SLC2A5: variants seen among roughly 807,000 people sequenced by gnomAD.
SLC2A5 encodes the protein solute carrier family 2 member 5.
SLC2A5 carries 56 observed loss-of-function variants against 50.3 expected under a neutral mutation model. The ratio of observed to expected loss-of-function variants is 1.11; its 90% confidence interval spans 0.90 to 1.39. The LOEUF is 1.39. Among genes scored for constraint, SLC2A5 ranks in the 40% most tolerant of loss-of-function variants. The pLI, the probability that SLC2A5 is intolerant of heterozygous loss-of-function variation, is 0.00. For missense variants in SLC2A5, 566 were observed against 650.1 expected (o/e 0.87, Z 1.41); for synonymous variants, 269 against 281.9 (o/e 0.95, Z 0.46).
intron 1 of SLC2A5, among the ~76,000 whole-genome samples, chr1:9,060,024 C>T (rs370034424): frequency 1.3e-5 from 2 of 148,918 alleles, no homozygotes; most frequent in African/African-American, 2.5e-5. Context: ...TACACACACA[C>T]ACTACACACA....
intron 3 of SLC2A5, among the ~76,000 whole-genome samples, chr1:9,056,771 T>G (rs933321798): frequency 1.3e-5 from 2 of 152,140 alleles, no homozygotes; most frequent in African/African-American, 4.8e-5. Flanking sequence ...CTGACCCCTT[T>G]GTTCACGAGG....
chr1:9,038,062 C>T (rs370588099), intron 10 of SLC2A5, 38 bp from the exon 11 acceptor site: 70 of 1,607,604 alleles, frequency 4.4e-5, no homozygotes, highest in Non-Finnish European at 5.2e-5. Flanking sequence ...GAAGGCAGAG[C>T]GGGCCCGAGC....
At chr1:9,039,416 C>A (rs1362467081) in intron 8 of SLC2A5, 136 bp downstream of exon 8, 1 of 644,944 alleles carries the variant, frequency 1.6e-6, no homozygotes, top group Non-Finnish European at 2.6e-6. Context: ...GGCCACCTCC[C>A]ACACAGAGTT....
chr1:9,038,988 C>T (rs1244322801), intron 8 of SLC2A5, 59 bp from the exon 9 acceptor site: 1 of 1,572,366 alleles, frequency 6.4e-7, no homozygotes, highest in African/African-American at 1.3e-5. Context: ...CCTCCAGCCC[C>T]CTCCAATGGG....
chr1:9,046,669 T>C (rs897262680), intron 4 of SLC2A5, among the ~76,000 whole-genome samples: 1 of 103,184 alleles, frequency 9.7e-6, no homozygotes, highest in African/African-American at 3.9e-5. Context: ...GGTTCTCGTG[T>C]GTGTGTGTGT....
chr1:9,086,836 C>T (rs1383638937), intron 1 of SLC2A5, among the ~76,000 whole-genome samples: 1 of 152,142 alleles, frequency 6.6e-6, no homozygotes, highest in Admixed American at 6.5e-5. Flanking sequence ...GAGCAAACAC[C>T]ACCATCCTAA....
At chr1:9,075,727 C>G (rs1642274671) in intron 2 of SLC2A5, among the ~76,000 whole-genome samples, 1 of 151,964 alleles carries the variant, frequency 6.6e-6, no homozygotes, top group Admixed American at 6.6e-5. Flanking sequence ...ATGGCATGAT[C>G]TCAACTCACT....
At chr1:9,060,301 GCCC>G (rs368736070) in intron 1 of SLC2A5, among the ~76,000 whole-genome samples, 4 of 37,132 alleles carry the variant, frequency 1.1e-4, no homozygotes, top group African/African-American at 8.8e-5. Context: ...ACACACACAC[GCCC>G]CCCCACATGT....
At chr1:9,080,521 G>T (rs1642339672) in intron 2 of SLC2A5, among the ~76,000 whole-genome samples, 1 of 152,174 alleles carries the variant, frequency 6.6e-6, no homozygotes, top group African/African-American at 2.4e-5. Flanking sequence ...TTTGGTAGTA[G>T]CCATCCTAAC....
At chr1:9,060,697 C>A (rs1256295623) in intron 1 of SLC2A5, among the ~76,000 whole-genome samples, 1 of 145,294 alleles carries the variant, frequency 6.9e-6, no homozygotes, top group African/African-American at 2.5e-5. Flanking sequence ...ACACAGCCCA[C>A]CCCACACACA....
At chr1:9,041,268 C>A in intron 5 of SLC2A5, 2 of 403,260 alleles carry the variant, frequency 5.0e-6, no homozygotes, top group South Asian at 1.4e-4. Flanking sequence ...CATGCCAGGC[C>A]CCAGGCTGTC....
At chr1:9,090,777 G>T (rs938448274), upstream of SLC2A5, among the ~76,000 whole-genome samples, 3 of 152,206 alleles carry the variant, frequency 2.0e-5, no homozygotes, top group African/African-American at 7.2e-5. Context: ...TTTAGGGACA[G>T]CCCTCACTAT....
chr1:9,086,775 G>A (rs1340793793), intron 1 of SLC2A5, among the ~76,000 whole-genome samples: 1 of 152,102 alleles, frequency 6.6e-6, no homozygotes, highest in Non-Finnish European at 1.5e-5. Flanking sequence ...GCCATCATAA[G>A]GGTATGGAAA....
At chr1:9,063,734 C>T (rs1161998792) in intron 1 of SLC2A5, among the ~76,000 whole-genome samples, 1 of 111,798 alleles carries the variant, frequency 8.9e-6, no homozygotes, top group African/African-American at 3.7e-5. Context: ...TTCGCTCTGT[C>T]GCCCAGGCTG....
intron 3 of SLC2A5, among the ~76,000 whole-genome samples, chr1:9,054,241 C>A (rs1252203174): frequency 1.3e-5 from 2 of 152,080 alleles, no homozygotes; most frequent in African/African-American, 2.4e-5. Flanking sequence ...GACAAGGAAC[C>A]ACAGTGACTC....
chr1:9,076,796 T>G (rs1287449456), intron 2 of SLC2A5, among the ~76,000 whole-genome samples: 1 of 142,348 alleles, frequency 7.0e-6, no homozygotes, highest in South Asian at 2.2e-4. Context: ...GTTTTTTTTG[T>G]TTTTTTTTTT....
At chr1:9,075,638 T>G (rs1642273927) in intron 2 of SLC2A5, among the ~76,000 whole-genome samples, 1 of 152,158 alleles carries the variant, frequency 6.6e-6, no homozygotes, top group Non-Finnish European at 1.5e-5. Context: ...TTTGTTTTAA[T>G]TGATTATAGC....
At chr1:9,087,497 C>G (rs1445933026) in intron 1 of SLC2A5, among the ~76,000 whole-genome samples, 1 of 152,172 alleles carries the variant, frequency 6.6e-6, no homozygotes, top group Non-Finnish European at 1.5e-5. Flanking sequence ...AGCCACCACA[C>G]CTGGCCTCTT....
chr1:9,051,052 A>G (rs1051791214), intron 3 of SLC2A5, among the ~76,000 whole-genome samples: 1 of 152,178 alleles, frequency 6.6e-6, no homozygotes, highest in Non-Finnish European at 1.5e-5. Flanking sequence ...ATTCACAAAG[A>G]ACAAGCTAAA....
Sources: allele counts gnomAD v4.1 joint callset (sites outside exome capture counted in the v4.1 genomes callset), GRCh38; gene constraint gnomAD v4.1.1; transcripts MANE v1.5; gene names NCBI Gene and HGNC (gene_info 2026-07-23, HGNC 2026-07-21).